SMYD3: variants seen among roughly 807,000 people sequenced by gnomAD.
The protein encoded by SMYD3 is histone-lysine N-methyltransferase SMYD3.
In SMYD3, 36 loss-of-function variants were observed where a neutral mutation model predicts 57.7. That is an observed-to-expected ratio of 0.62 (90% confidence interval 0.48 to 0.82). The LOEUF is 0.82. Among genes scored for constraint, SMYD3 ranks in the 40% least tolerant of loss-of-function variants. The pLI, the probability that SMYD3 is intolerant of heterozygous loss-of-function variation, is 0.00. For missense variants in SMYD3, 515 were observed against 538.8 expected, an observed-to-expected ratio of 0.96 and a Z score of 0.44; for synonymous variants, 211 against 195.0, an observed-to-expected ratio of 1.08 and a Z score of -0.68.
At chr1:246,215,472 C>A (rs1431195040) in intron 5 of SMYD3, among the ~76,000 whole-genome samples, 1 of 151,976 alleles carries the variant, frequency 6.6e-6, no homozygotes, top group Non-Finnish European at 1.5e-5. Context: ...TAATGCTGAG[C>A]CATCTTAAAA....
chr1:246,160,256 A>G (rs565208102), intron 5 of SMYD3, among the ~76,000 whole-genome samples: 1 of 152,238 alleles, frequency 6.6e-6, no homozygotes, highest in South Asian at 2.1e-4. Context: ...TAATATTTTC[A>G]TTTATTTCAA....
chr1:245,876,029 T>A (rs1328921246), intron 8 of SMYD3, among the ~76,000 whole-genome samples: 2 of 152,182 alleles, frequency 1.3e-5, no homozygotes, highest in East Asian at 1.9e-4. Context: ...ATGTGCTTTT[T>A]AAAATATGTA....
chr1:245,872,731 G>C (rs968550500), intron 8 of SMYD3, among the ~76,000 whole-genome samples: 4 of 152,150 alleles, frequency 2.6e-5, no homozygotes, highest in African/African-American at 4.8e-5. Context: ...GCAGAAACAG[G>C]GCTCTCCTGC....
intron 5 of SMYD3, among the ~76,000 whole-genome samples, chr1:246,146,906 G>T (rs2061852112): frequency 6.6e-6 from 1 of 152,160 alleles, no homozygotes; most frequent in South Asian, 2.1e-4. Flanking sequence ...TCCAATCACT[G>T]CAGCAAACTG....
chr1:246,149,220 AC>A (rs1438892817), intron 5 of SMYD3, among the ~76,000 whole-genome samples: 1 of 152,186 alleles, frequency 6.6e-6, no homozygotes, highest in African/African-American at 2.4e-5. Context: ...CTATATCAAA[AC>A]CCTTCTTTTC....
intron 5 of SMYD3, among the ~76,000 whole-genome samples, chr1:246,245,260 T>C (rs1358826609): frequency 6.6e-6 from 1 of 151,574 alleles, no homozygotes; most frequent in Non-Finnish European, 1.5e-5. Flanking sequence ...CTGGACAACA[T>C]GGCAAGACCC....
intron 10 of SMYD3, among the ~76,000 whole-genome samples, chr1:245,807,384 A>C (rs1398963160): frequency 6.6e-6 from 1 of 152,190 alleles, no homozygotes; most frequent in Non-Finnish European, 1.5e-5. Context: ...AGAAGAAGAG[A>C]GAAAAAGAAA....
intron 5 of SMYD3, among the ~76,000 whole-genome samples, chr1:246,083,745 G>C (rs1406840129): frequency 6.6e-6 from 1 of 152,062 alleles, no homozygotes; most frequent in Admixed American, 6.6e-5. Context: ...TACAATTCAG[G>C]TAAGTCAAAA....
chr1:246,151,467 T>G (rs547831904), intron 5 of SMYD3, among the ~76,000 whole-genome samples: 1 of 152,276 alleles, frequency 6.6e-6, no homozygotes, highest in East Asian at 1.9e-4. Context: ...TAACTTTAAT[T>G]TCTTTGACCT....
chr1:245,879,422 T>C (rs1572576581), intron 8 of SMYD3, among the ~76,000 whole-genome samples: 1 of 152,156 alleles, frequency 6.6e-6, no homozygotes, highest in East Asian at 1.9e-4. Flanking sequence ...AACACTGCGA[T>C]GGAGACGAAG....
intron 5 of SMYD3, among the ~76,000 whole-genome samples, chr1:246,312,964 C>T (rs1226728728): frequency 6.6e-6 from 1 of 152,044 alleles, no homozygotes; most frequent in Admixed American, 6.6e-5. Flanking sequence ...ACCCAGGCTG[C>T]AATGCAGTGG....
At chr1:245,935,724 C>T (rs1280549436) in intron 5 of SMYD3, among the ~76,000 whole-genome samples, 2 of 152,160 alleles carry the variant, frequency 1.3e-5, no homozygotes, top group Non-Finnish European at 2.9e-5. Context: ...GAAATTCTGT[C>T]ATTTGCAAGA....
At chr1:246,371,549 G>A (rs1485458664) in intron 1 of SMYD3, among the ~76,000 whole-genome samples, 4 of 152,106 alleles carry the variant, frequency 2.6e-5, no homozygotes, top group Non-Finnish European at 5.9e-5. Flanking sequence ...ACACCCTTTA[G>A]GTGTATAACT....
chr1:245,831,381 G>A (rs1018480749), intron 10 of SMYD3, among the ~76,000 whole-genome samples: 2 of 152,160 alleles, frequency 1.3e-5, no homozygotes, highest in African/African-American at 4.8e-5. Context: ...TTTGATAAGT[G>A]CCATGGGTCC....
At chr1:245,974,423 A>G (rs2058375829) in intron 5 of SMYD3, among the ~76,000 whole-genome samples, 1 of 152,152 alleles carries the variant, frequency 6.6e-6, no homozygotes, top group Admixed American at 6.5e-5. Context: ...TCTTGAATCT[A>G]TTTCATTTTT....
chr1:246,287,707 C>T (rs2148586890), intron 5 of SMYD3, among the ~76,000 whole-genome samples: 1 of 152,220 alleles, frequency 6.6e-6, no homozygotes, highest in Admixed American at 6.5e-5. Flanking sequence ...CAGGGGCATC[C>T]ATCTGCCTAC....
At chr1:246,352,650 T>A (rs1183096523) in intron 2 of SMYD3, among the ~76,000 whole-genome samples, 1 of 152,184 alleles carries the variant, frequency 6.6e-6, no homozygotes, top group Non-Finnish European at 1.5e-5. Flanking sequence ...GACAGTGACA[T>A]TGTTATTGAT....
At chr1:246,040,520 T>G (rs1313972504) in intron 5 of SMYD3, among the ~76,000 whole-genome samples, 1 of 152,174 alleles carries the variant, frequency 6.6e-6, no homozygotes, top group Non-Finnish European at 1.5e-5. Flanking sequence ...ATTTGCCAAA[T>G]TAACCCAAAA....
chr1:246,311,894 T>A lies in SMYD3; in HGVS notation c.531+15307A>T, dbSNP rs193083075. ...CATAGCAACAGTGCGGCAGGCATCG[T>A]CAAGCTTTGGTGGCTTGAAGAAACA... On this transcript the variant is annotated intron_variant, in intron 5 of 11. Transcript: ENST00000490107. Among the ~76,000 whole-genome samples the A allele has an allele frequency of 1.0e-3, 155 of 152,296 alleles. 2 individuals are homozygous for A. Among genetic ancestry groups the A allele is most frequent in the East Asian group, 1.9e-3 (10 of 5,188 alleles).
Sources: gnomAD v4.1 joint callset for allele counts (sites outside exome capture counted in the v4.1 genomes callset) on GRCh38, gnomAD v4.1.1 for gene constraint, MANE v1.5 for transcripts, NCBI Gene and HGNC (gene_info 2026-07-23, HGNC 2026-07-21) for gene names.